SLC4A4: variants seen among roughly 807,000 people sequenced by gnomAD.
SLC4A4 encodes solute carrier family 4 member 4.
In SLC4A4, 27 loss-of-function variants were observed where a neutral mutation model predicts 111.5. The ratio of observed to expected loss-of-function variants is 0.24; its 90% CI spans 0.18 to 0.33. The LOEUF is 0.33. Ranked by LOEUF, SLC4A4 falls within the 10% of genes least tolerant of loss-of-function variation. The pLI is 1.00. For missense variants in SLC4A4, 909 were observed against 1,315.5 expected (o/e 0.69, Z 4.78); for synonymous variants, 443 against 463.4 (o/e 0.96, Z 0.57).
upstream of SLC4A4, among the ~76,000 whole-genome samples, chr4:71,182,728 A>T (rs918415200): frequency 6.0e-5 from 9 of 150,586 alleles, no homozygotes; most frequent in Non-Finnish European, 1.3e-4. Flanking sequence ...ACACACACAC[A>T]CACACACACA....
intron 3 of SLC4A4, among the ~76,000 whole-genome samples, chr4:71,281,965 A>T (rs1405650130): frequency 6.7e-6 from 1 of 148,230 alleles, no homozygotes; most frequent in African/African-American, 2.5e-5. Flanking sequence ...TCTGAATGAG[A>T]TGACTATATG....
At chr4:71,297,488 C>T (rs1399752476) in intron 3 of SLC4A4, among the ~76,000 whole-genome samples, 1 of 144,736 alleles carries the variant, frequency 6.9e-6, no homozygotes, top group Non-Finnish European at 1.5e-5. Context: ...AGCTTTCTGG[C>T]TTGATACACA....
intron 18 of SLC4A4, among the ~76,000 whole-genome samples, chr4:71,535,536 G>A (rs1734338893): frequency 6.6e-6 from 1 of 152,142 alleles, no homozygotes; most frequent in East Asian, 1.9e-4. Flanking sequence ...CTGGTCCAAA[G>A]CATGTGGCTA....
chr4:71,495,882 C>T (rs1240315603), intron 15 of SLC4A4, among the ~76,000 whole-genome samples: 1 of 152,062 alleles, frequency 6.6e-6, no homozygotes, highest in Non-Finnish European at 1.5e-5. Flanking sequence ...CTGAGACACC[C>T]AGTCCCTTCC....
chr4:71,372,348 AC>A (rs1441269724), intron 6 of SLC4A4, among the ~76,000 whole-genome samples: 2 of 152,226 alleles, frequency 1.3e-5, no homozygotes, highest in African/African-American at 4.8e-5. Flanking sequence ...ATTTCCTCTT[AC>A]AGATCTCACC....
intron 2 of SLC4A4, among the ~76,000 whole-genome samples, chr4:71,153,944 C>T (rs1744389742): frequency 6.6e-6 from 1 of 152,136 alleles, no homozygotes; most frequent in African/African-American, 2.4e-5. Flanking sequence ...TAGTCTAGCA[C>T]ACAGGAGAGA....
At chr4:71,194,212 C>T (rs905297179) in intron 1 of SLC4A4, among the ~76,000 whole-genome samples, 10 of 152,090 alleles carry the variant, frequency 6.6e-5, no homozygotes, top group Non-Finnish European at 1.3e-4. Flanking sequence ...ATTATAAAAC[C>T]TCATTCACAG....
At chr4:71,547,764 CAT>C in intron 20 of SLC4A4, 44 bp downstream of exon 20, 2 of 1,465,148 alleles carry the variant, frequency 1.4e-6, no homozygotes, top group Non-Finnish European at 1.9e-6. Context: ...AGAACACTGA[CAT>C]ATAATTGGAC....
chr4:71,477,232 A>G (rs1186383623), intron 14 of SLC4A4, among the ~76,000 whole-genome samples: 4 of 151,884 alleles, frequency 2.6e-5, no homozygotes, highest in African/African-American at 4.8e-5. Context: ...AGAGGTTACT[A>G]TAAAGGTTAA....
intron 1 of SLC4A4, among the ~76,000 whole-genome samples, chr4:71,208,610 CT>C (rs5859255): frequency 1 from 150,664 of 151,260 alleles, 75,039 homozygotes; most frequent in Middle Eastern, 1. Flanking sequence ...AGAAGCAAGC[CT>C]TTTTTTTTGG....
intron 2 of SLC4A4, among the ~76,000 whole-genome samples, chr4:71,160,549 A>G (rs1744593197): frequency 1.3e-5 from 2 of 152,136 alleles, no homozygotes; most frequent in African/African-American, 4.8e-5. Context: ...AGAAGAAACC[A>G]GAAATAAGGG....
At chr4:71,122,040 C>G (rs932646300) in intron 2 of SLC4A4, among the ~76,000 whole-genome samples, 2 of 152,054 alleles carry the variant, frequency 1.3e-5, no homozygotes, top group Non-Finnish European at 2.9e-5. Flanking sequence ...AGCGAGACCA[C>G]GAACCCACCA....
chr4:71,159,137 A>G lies in SLC4A4; in HGVS notation c.-2+66345A>G, dbSNP rs761681481. On this transcript the variant is annotated intron_variant, in intron 2 of 26. Transcript: ENST00000649996. Reference sequence around the variant, plus strand: ...TGTATAGCTACATATCTATATCTAGATAATGAAAATGGTATCATGCCTTGC... The same window carrying G: ...TGTATAGCTACATATCTATATCTAGGTAATGAAAATGGTATCATGCCTTGC... Among the ~76,000 whole-genome samples the G allele has an allele frequency of 1.4e-4, 22 of 152,242 alleles. 1 individual carries two copies. The highest frequency in any genetic ancestry group is 1.4e-3 in the Admixed American group (21 of 15,284).
intron 20 of SLC4A4, among the ~76,000 whole-genome samples, chr4:71,551,526 G>C (rs1262783905): frequency 1.3e-5 from 2 of 151,746 alleles, no homozygotes; most frequent in Non-Finnish European, 2.9e-5. Flanking sequence ...ACAAAAAATT[G>C]TCTCTCTTTT....
chr4:71,353,684 T>G (rs1445342926), intron 5 of SLC4A4, among the ~76,000 whole-genome samples: 2 of 152,242 alleles, frequency 1.3e-5, no homozygotes, highest in Non-Finnish European at 2.9e-5. Flanking sequence ...TTGAGAATTA[T>G]GCACAGCTAA....
intron 12 of SLC4A4, among the ~76,000 whole-genome samples, chr4:71,460,822 G>T (rs970576533): frequency 3.3e-5 from 5 of 152,140 alleles, no homozygotes; most frequent in African/African-American, 1.2e-4. Flanking sequence ...CCTAGGCATT[G>T]TCTTCATTGG....
chr4:71,428,164 G>A (rs1265204756), intron 7 of SLC4A4, among the ~76,000 whole-genome samples: 2 of 152,094 alleles, frequency 1.3e-5, no homozygotes, highest in South Asian at 2.1e-4. Context: ...AGTTAATATT[G>A]TTGTTTGCAT....
intron 16 of SLC4A4, among the ~76,000 whole-genome samples, chr4:71,517,983 G>A (rs1455575790): frequency 6.6e-6 from 1 of 152,184 alleles, no homozygotes; most frequent in Non-Finnish European, 1.5e-5. Flanking sequence ...ACTTGAGTCT[G>A]TAGGAGTGGT....
intron 6 of SLC4A4, among the ~76,000 whole-genome samples, chr4:71,378,307 G>A (rs1290986146): frequency 6.6e-6 from 1 of 152,202 alleles, no homozygotes; most frequent in African/African-American, 2.4e-5. Flanking sequence ...TGACTTTGGA[G>A]TGTGCTCTTC....
Sources: gnomAD v4.1 joint callset for allele counts (sites outside exome capture counted in the v4.1 genomes callset) on GRCh38, gnomAD v4.1.1 for gene constraint, MANE v1.5 for transcripts, NCBI Gene and HGNC (gene_info 2026-07-23, HGNC 2026-07-21) for gene names.